Variants in ASPH observed in about 807,000 individuals in gnomAD.
ASPH encodes the protein aspartate beta-hydroxylase, also known as aspartyl/asparaginyl beta-hydroxylase.
ASPH carries 100 observed loss-of-function variants against 118.4 expected under a neutral mutation model. The observed-to-expected ratio is 0.84, with a 90% CI of 0.72 to 1.00. The LOEUF is 1.00. Ranked by LOEUF, ASPH falls within the 50% of genes least tolerant of loss-of-function variation. The pLI, the probability that ASPH is intolerant of heterozygous loss-of-function variation, is 0.00. For synonymous variants in ASPH, 315 were observed against 325.6 expected, an observed-to-expected ratio of 0.97 and a Z score of 0.35; for missense variants, 920 against 919.5, an observed-to-expected ratio of 1.00 and a Z score of -0.01.
chr8:61,708,307 A>T (rs1291894209), intron 1 of ASPH, among the ~76,000 whole-genome samples: 3 of 152,244 alleles, frequency 2.0e-5, no homozygotes, highest in Non-Finnish European at 4.4e-5. Flanking sequence ...AAACTCAGTG[A>T]CAAGCATCTT....
intron 14 of ASPH, among the ~76,000 whole-genome samples, chr8:61,590,772 T>C (rs796241828): frequency 1.6e-4 from 25 of 152,292 alleles, no homozygotes; most frequent in Admixed American, 5.2e-4. Flanking sequence ...GGCATGAACA[T>C]TGACACTTCT....
Position 61,637,940 on chromosome 8 carries a change from A to G in ASPH, c.889+7T>C. The G allele has an allele frequency of 6.2e-7, 1 of 1,606,236 alleles. No individual in the cohort carries two copies. Among genetic ancestry groups the G allele is most frequent in the Non-Finnish European group, 8.5e-7 (1 of 1,176,376 alleles). ...AAGGTAAAACCACTTCCATAAATTT[A>G]TCTTACCTTCTACAATTACCTGTGA... On this transcript the variant is annotated splice_region_variant and intron_variant, in intron 12 of 24. Coordinates refer to ENST00000379454, the MANE Select transcript of ASPH (RefSeq NM_004318.4).
At chr8:61,570,942 TATG>T (rs1833306626) in intron 16 of ASPH, among the ~76,000 whole-genome samples, 1 of 152,184 alleles carries the variant, frequency 6.6e-6, no homozygotes, top group Non-Finnish European at 1.5e-5. Flanking sequence ...ATTTTGGTGA[TATG>T]AAGAAAAAGA....
chr8:61,596,995 A>T (rs1412301767), intron 14 of ASPH, among the ~76,000 whole-genome samples: 1 of 152,138 alleles, frequency 6.6e-6, no homozygotes, highest in Non-Finnish European at 1.5e-5. Flanking sequence ...ACACAAAAAA[A>T]TTAAGAAAAT....
chr8:61,701,641 G>C (rs1184570237), intron 1 of ASPH, among the ~76,000 whole-genome samples: 2 of 152,130 alleles, frequency 1.3e-5, no homozygotes, highest in African/African-American at 4.8e-5. Flanking sequence ...TAAACAGATG[G>C]ACCAGCTAGA....
At chr8:61,507,659 G>GACGA (rs1554590340) in intron 24 of ASPH, among the ~76,000 whole-genome samples, 1 of 152,004 alleles carries the variant, frequency 6.6e-6, no homozygotes, top group African/African-American at 2.4e-5. Flanking sequence ...CTTGGGAAAG[G>GACGA]ATGTTTTTTT....
chr8:61,679,051 A>T (rs978550627), intron 3 of ASPH, among the ~76,000 whole-genome samples: 1 of 152,138 alleles, frequency 6.6e-6, no homozygotes, highest in African/African-American at 2.4e-5. Flanking sequence ...ATAAAACTCA[A>T]TTCAAGTTAA....
At chr8:61,669,189 T>C (rs1009039053) in intron 3 of ASPH, among the ~76,000 whole-genome samples, 1 of 152,216 alleles carries the variant, frequency 6.6e-6, no homozygotes, top group Non-Finnish European at 1.5e-5. Flanking sequence ...CAGCTGTAAA[T>C]TGTAAAACCC....
intron 16 of ASPH, among the ~76,000 whole-genome samples, chr8:61,573,005 T>G (rs533274188): frequency 9.2e-5 from 14 of 152,286 alleles, no homozygotes; most frequent in African/African-American, 3.1e-4. Flanking sequence ...ATAAGCAACT[T>G]CAGCAAAGTC....
intron 1 of ASPH, among the ~76,000 whole-genome samples, chr8:61,699,290 T>G (rs942612050): frequency 7.2e-5 from 11 of 152,212 alleles, no homozygotes; most frequent in Non-Finnish European, 1.3e-4. Context: ...CAGTAAAAAT[T>G]TCACAACTTT....
intron 13 of ASPH, among the ~76,000 whole-genome samples, chr8:61,623,370 TG>T (rs1302545474): frequency 6.6e-6 from 1 of 152,238 alleles, no homozygotes; most frequent in Admixed American, 6.5e-5. Flanking sequence ...TCAGATCTCT[TG>T]CCCATTTTAA....
At chr8:61,596,515 C>T (rs1044565421) in intron 14 of ASPH, among the ~76,000 whole-genome samples, 1 of 152,216 alleles carries the variant, frequency 6.6e-6, no homozygotes, top group African/African-American at 2.4e-5. Context: ...CCTAGGGGCC[C>T]ACAGACGGGC....
chr8:61,555,174 T>C (rs1371460964), intron 19 of ASPH, among the ~76,000 whole-genome samples: 1 of 152,222 alleles, frequency 6.6e-6, no homozygotes, highest in African/African-American at 2.4e-5. Context: ...TTTGTGTGGG[T>C]AGTTAAGAGT....
At chr8:61,651,365 AAAG>A (rs2151104613) in intron 4 of ASPH, 1 of 352,382 alleles carries the variant, frequency 2.8e-6, no homozygotes, top group East Asian at 4.3e-5. Flanking sequence ...TAAGATTTTT[AAAG>A]AAAACTCAGG....
intron 17 of ASPH, among the ~76,000 whole-genome samples, chr8:61,564,297 CTTT>C (rs1176381658): frequency 4.5e-5 from 6 of 134,018 alleles, no homozygotes; most frequent in Admixed American, 7.6e-5. Flanking sequence ...AATGCTGATT[CTTT>C]TTTTTTTTTT....
At chr8:61,510,419 T>C (rs1808389378) in intron 24 of ASPH, among the ~76,000 whole-genome samples, 1 of 152,184 alleles carries the variant, frequency 6.6e-6, no homozygotes, top group South Asian at 2.1e-4. Context: ...TTACTATAAA[T>C]AGTCACTGGT....
intron 23 of ASPH, 62 bp downstream of exon 23, chr8:61,517,970 G>T: frequency 1.3e-6 from 2 of 1,486,956 alleles, no homozygotes; most frequent in Non-Finnish European, 1.9e-6. Flanking sequence ...TCTTTGTAAA[G>T]GTCAACACGC....
intron 12 of ASPH, among the ~76,000 whole-genome samples, chr8:61,637,354 A>T (rs957816183): frequency 2.0e-5 from 3 of 152,168 alleles, no homozygotes; most frequent in East Asian, 3.9e-4. Flanking sequence ...AAGTACAAAG[A>T]TCTCCACGCT....
intron 3 of ASPH, chr8:61,658,705 C>G (rs556218022): frequency 8.0e-4 from 122 of 152,274 alleles, no homozygotes; most frequent in African/African-American, 2.8e-3. Flanking sequence ...TTACACCCCC[C>G]TCCCTGCCAG....
Sources: gnomAD v4.1 joint callset for allele counts (sites outside exome capture counted in the v4.1 genomes callset) on GRCh38, gnomAD v4.1.1 for gene constraint, MANE v1.5 for transcripts, NCBI Gene and HGNC (gene_info 2026-07-23, HGNC 2026-07-21) for gene names.